Variants in TUBGCP3 observed in about 807,000 individuals in gnomAD.
TUBGCP3 encodes the protein tubulin gamma complex component 3, also known as gamma-tubulin complex component 3.
Under a neutral mutation model 123.1 loss-of-function variants are expected in TUBGCP3, and 50 were observed. The ratio of observed to expected loss-of-function variants is 0.41; its 90% CI spans 0.32 to 0.51. TUBGCP3 has a LOEUF of 0.51. TUBGCP3 is among the 20% of genes least tolerant of loss of function. The pLI is 0.36. For missense variants in TUBGCP3, 882 were observed against 1,127.0 expected, an observed-to-expected ratio of 0.78 and a Z score of 3.11; for synonymous variants, 405 against 413.9, an observed-to-expected ratio of 0.98 and a Z score of 0.26.
At chr13:112,520,879 C>CA (rs2139064744) in intron 14 of TUBGCP3, among the ~76,000 whole-genome samples, 2 of 152,286 alleles carry the variant, frequency 1.3e-5, no homozygotes, top group East Asian at 3.9e-4. Flanking sequence ...GTAAGCTCTA[C>CA]AAAACACAGG....
chr13:112,572,683 C>T (rs1004863208), intron 1 of TUBGCP3, among the ~76,000 whole-genome samples: 1 of 152,214 alleles, frequency 6.6e-6, no homozygotes, highest in African/African-American at 2.4e-5. Context: ...ACATACACAA[C>T]ACTTTTTGAT....
At position 112,485,313 on chromosome 13, in the gene TUBGCP3, A is replaced by G. The variant is rs547054221; in HGVS notation, c.*680T>C. The stretch of plus-strand genomic sequence containing the variant: ...ATTCGCGGTATTTGGGTTGCACTGT[A>G]TAAGAGTATTTTTGTTCTCTATCAC... On this transcript the variant is annotated 3_prime_UTR_variant, in exon 22 of 22. Coordinates refer to ENST00000261965, the MANE Select transcript of TUBGCP3 (RefSeq NM_006322.6). 4.6e-5 allele frequency: 7 copies of G among 152,764 alleles called. No homozygotes were observed. The South Asian group carries it at 6.2e-4, about 14-fold the overall frequency. The allele number at this position is 152,764 out of a possible 1,614,324, so 9.5% of individuals were successfully genotyped here. A position where few individuals can be genotyped will look rare whatever the true frequency, so the allele number is the denominator to read the frequency against.
chr13:112,521,938 TTAAC>T, intron 14 of TUBGCP3: 2 of 623,052 alleles, frequency 3.2e-6, no homozygotes, highest in Non-Finnish European at 4.0e-6. Flanking sequence ...TAGGTGAACA[TTAAC>T]TACAAATATA....
Position 112,588,125 on chromosome 13 carries a change from G to C in TUBGCP3, c.-145C>G, listed in dbSNP as rs1025292315. 1.3e-5 allele frequency: 8 copies of C among 639,296 alleles called. No homozygotes were observed. Among genetic ancestry groups the C allele is most frequent in the Admixed American group, 4.4e-5 (1 of 22,796 alleles). 39.6% of individuals were successfully genotyped at this position (639,296 alleles called of 1,614,324 possible). ...CGCGGGCGCCGCCGGCCACCAGGGC[G>C]CCATTTTAACGGAACCCGCCGAAAG... is the stretch of plus-strand genomic sequence containing the variant. On this transcript the variant is annotated 5_prime_UTR_variant, in exon 1 of 22. Coordinates refer to ENST00000261965, the MANE Select transcript of TUBGCP3 (RefSeq NM_006322.6).
intron 11 of TUBGCP3, among the ~76,000 whole-genome samples, chr13:112,539,632 A>T (rs1278969964): frequency 6.6e-6 from 1 of 152,234 alleles, no homozygotes; most frequent in East Asian, 1.9e-4. Context: ...CTAGAGCTCT[A>T]TCTAATCTCA....
chr13:112,514,656 C>T (rs1875926783), intron 17 of TUBGCP3, among the ~76,000 whole-genome samples: 1 of 152,128 alleles, frequency 6.6e-6, no homozygotes, highest in Non-Finnish European at 1.5e-5. Flanking sequence ...ACAATCTGGG[C>T]TTACTGAGAT....
intron 8 of TUBGCP3, among the ~76,000 whole-genome samples, chr13:112,551,269 A>G (rs1481316429): frequency 6.6e-6 from 1 of 152,254 alleles, no homozygotes; most frequent in African/African-American, 2.4e-5. Flanking sequence ...TCAGAGGGAA[A>G]AGGCCTGTGG....
chr13:112,491,487 T>C lies in TUBGCP3; in HGVS notation c.2449-1790A>G, dbSNP rs73566309. ...CCCTGCACCTCCCATCACTCCAATGTGCCCTTCCTGCCATGTTTACTGTTT... is the reference window on the plus strand; with the variant it reads ...CCCTGCACCTCCCATCACTCCAATGCGCCCTTCCTGCCATGTTTACTGTTT... On this transcript the variant is annotated intron_variant, in intron 20 of 21. Transcript: ENST00000261965. Among the ~76,000 whole-genome samples, 1,355 of 152,310 alleles carry C rather than the reference T, an allele frequency of 8.9e-3. 17 individuals are homozygous for C. Among genetic ancestry groups the C allele is most frequent in the African/African-American group, 0.031 (1,289 of 41,560 alleles).
intron 11 of TUBGCP3, among the ~76,000 whole-genome samples, chr13:112,531,909 CA>C (rs1877611326): frequency 6.6e-6 from 1 of 152,094 alleles, no homozygotes; most frequent in African/African-American, 2.4e-5. Context: ...ACCATTATGT[CA>C]AACGCAGAAA....
At chr13:112,487,587 A>G (rs969970867) in intron 21 of TUBGCP3, among the ~76,000 whole-genome samples, 1 of 152,198 alleles carries the variant, frequency 6.6e-6, no homozygotes, top group Non-Finnish European at 1.5e-5. Context: ...AGTGAATCAT[A>G]TGGATCTAAC....
intron 20 of TUBGCP3, among the ~76,000 whole-genome samples, chr13:112,492,111 T>G (rs558616230): frequency 2.6e-5 from 4 of 152,332 alleles, no homozygotes; most frequent in African/African-American, 7.2e-5. Flanking sequence ...ATCATCTTCT[T>G]CTTTGGATGG....
At chr13:112,534,762 T>A (rs915585559) in intron 11 of TUBGCP3, among the ~76,000 whole-genome samples, 1 of 152,130 alleles carries the variant, frequency 6.6e-6, no homozygotes, top group Non-Finnish European at 1.5e-5. Context: ...TTTTCGGAAC[T>A]TCTACATTTT....
At chr13:112,561,137 C>T (rs995189034) in intron 3 of TUBGCP3, among the ~76,000 whole-genome samples, 4 of 152,170 alleles carry the variant, frequency 2.6e-5, no homozygotes, top group Non-Finnish European at 4.4e-5. Context: ...GCACAAGTGA[C>T]GAACATGCTG....
At chr13:112,569,012 A>G in intron 2 of TUBGCP3, 140 bp downstream of exon 2, 1 of 700,842 alleles carries the variant, frequency 1.4e-6, no homozygotes, top group Non-Finnish European at 2.4e-6. Context: ...TCTACAACAG[A>G]ATTGACTTGT....
intron 20 of TUBGCP3, among the ~76,000 whole-genome samples, chr13:112,494,256 T>C (rs1321034019): frequency 2.6e-5 from 4 of 152,212 alleles, no homozygotes; most frequent in Non-Finnish European, 5.9e-5. Flanking sequence ...GAGAGAATGC[T>C]GGGTCAGAGT....
the TUBGCP3 span, among the ~76,000 whole-genome samples, chr13:112,597,757 G>A: frequency 6.6e-6 from 1 of 151,966 alleles, no homozygotes; most frequent in Non-Finnish European, 1.5e-5. Flanking sequence ...ACAGACACAT[G>A]AAAACATGCT....
intron 2 of TUBGCP3, among the ~76,000 whole-genome samples, chr13:112,568,664 G>A (rs528247791): frequency 1.5e-4 from 23 of 152,334 alleles, no homozygotes; most frequent in African/African-American, 5.1e-4. Flanking sequence ...TGACCTTCGC[G>A]CAGGCCTCTT....
intron 3 of TUBGCP3, among the ~76,000 whole-genome samples, chr13:112,560,130 C>T (rs868502598): frequency 6.7e-5 from 8 of 118,904 alleles, no homozygotes; most frequent in Admixed American, 1.8e-4. Flanking sequence ...AAGACTCCGT[C>T]TCAAAAAAAA....
chr13:112,590,953 T>C (rs1365912141), upstream of TUBGCP3, among the ~76,000 whole-genome samples: 4 of 152,214 alleles, frequency 2.6e-5, no homozygotes, highest in Admixed American at 1.3e-4. Flanking sequence ...CTCCAGGAAA[T>C]TGTAAATCGA....
Sources: gnomAD v4.1 joint callset for allele counts (sites outside exome capture counted in the v4.1 genomes callset) on GRCh38, gnomAD v4.1.1 for gene constraint, MANE v1.5 for transcripts, NCBI Gene and HGNC (gene_info 2026-07-23, HGNC 2026-07-21) for gene names.